The following STRADA variants were observed in gnomAD, a reference collection of about 807,000 sequenced individuals.
The protein encoded by STRADA is STE20-related kinase adapter protein alpha.
Under a neutral mutation model 55.0 loss-of-function variants are expected in STRADA, and 26 were observed. That is an observed-to-expected ratio of 0.47 (90% CI 0.35 to 0.66). STRADA has a LOEUF of 0.66. Ranked by LOEUF, STRADA falls within the 30% of genes least tolerant of loss-of-function variation. STRADA has a pLI of 0.01. For synonymous variants in STRADA, 197 were observed against 210.9 expected (o/e 0.93, Z 0.57); for missense variants, 443 against 549.7 (o/e 0.81, Z 1.94).
In STRADA at chr17:63,713,487, C is replaced by G; in HGVS notation, c.267G>C (p.Arg89Ser). The G allele has an allele frequency of 6.2e-7, 1 of 1,614,152 alleles. No individual in the cohort carries two copies. Among genetic ancestry groups the G allele is most frequent in the Non-Finnish European group, 8.5e-7 (1 of 1,180,036 alleles). Residue 89 changes from arginine (R) to serine (S), a missense_variant, in exon 6 of 13, where the codon AGG becomes AGC. By Grantham distance (110) the Arg-to-Ser change is moderately radical (BLOSUM62 -1). Coordinates refer to ENST00000336174, the MANE Select transcript of STRADA (RefSeq NM_001003787.4). ...TCACGTACTCTCCTGTTGGTTTGTACCTTGCTAGATTCACAGTCATCAGGT... is the reference window on the plus strand; with the variant it reads ...TCACGTACTCTCCTGTTGGTTTGTAGCTTGCTAGATTCACAGTCATCAGGT... ...FEDLMTVNLA[R>S]YKPTGEYVTV...
intron 1 of STRADA, among the ~76,000 whole-genome samples, chr17:63,740,321 G>A (rs1306171040): frequency 1.3e-5 from 2 of 151,244 alleles, no homozygotes; most frequent in Non-Finnish European, 2.9e-5. Flanking sequence ...AGATCGGCCT[G>A]ACCAACATGG....
intron 1 of STRADA, among the ~76,000 whole-genome samples, chr17:63,733,537 G>A (rs190627321): frequency 6.6e-6 from 1 of 152,254 alleles, no homozygotes; most frequent in Admixed American, 6.5e-5. Context: ...TAAAGAAATA[G>A]TATTTACAGA....
rs756991588 is a variant in STRADA at position 63,707,372 on chromosome 17, A to G, written c.628T>C (p.Tyr210His). 1 of 1,614,156 alleles carries G rather than the reference A, an allele frequency of 6.2e-7. No individual in the cohort carries two copies. The highest frequency in any genetic ancestry group is 1.1e-5 in the South Asian group (1 of 91,084). ...HILISVDGKVYLSGLRSNLSM... is the reference protein window; with the variant it reads ...HILISVDGKVHLSGLRSNLSM... ...AGGTTGCTGCGCAAACCAGACAGGT[A>G]GACCTTCCCATCCACAGAGATCAGG... Residue 210 changes from tyrosine to histidine, a missense_variant, in exon 9 of 13, where the codon TAC becomes CAC. Transcript: ENST00000336174.
intron 4 of STRADA, among the ~76,000 whole-genome samples, chr17:63,717,970 A>G (rs2037014614): frequency 6.7e-6 from 1 of 148,882 alleles, no homozygotes; most frequent in African/African-American, 2.5e-5. Flanking sequence ...GGCTCTCAAT[A>G]TGTCACCCAG....
Position 63,723,189 on chromosome 17 carries a change from T to C in STRADA, c.123+109A>G, listed in dbSNP as rs548293534. On this transcript the variant is annotated intron_variant, in intron 4 of 12. Coordinates refer to ENST00000336174, the MANE Select transcript of STRADA (RefSeq NM_001003787.4). Reference sequence around the variant, plus strand: ...AAATCACACTACAAATAAAGCTCAGTGACAGATAAGCAGAAACATAAAATG... The same window carrying C: ...AAATCACACTACAAATAAAGCTCAGCGACAGATAAGCAGAAACATAAAATG... 5.6e-5 allele frequency: 72 copies of C among 1,285,796 alleles called. No individual in the cohort carries two copies. In the Middle Eastern group the frequency reaches 7.5e-4, roughly 13 times the overall value. 79.6% of individuals were successfully genotyped at this position (1,285,796 alleles called of 1,614,324 possible).
chr17:63,728,436 T>C, intron 1 of STRADA, 23 bp from the exon 2 acceptor site: 1 of 1,400,106 alleles, frequency 7.1e-7, no homozygotes, highest in Non-Finnish European at 9.8e-7. Context: ...TAGAAACAGG[T>C]TGAGTTAGCA....
intron 4 of STRADA, among the ~76,000 whole-genome samples, chr17:63,718,370 A>G (rs888917344): frequency 6.6e-6 from 1 of 152,216 alleles, no homozygotes; most frequent in African/African-American, 2.4e-5. Flanking sequence ...AAAAGCCTCA[A>G]GCAAGAGTTC....
chr17:63,740,107 T>TATATATATATATATATATACACACAC (rs1309095081), intron 1 of STRADA, among the ~76,000 whole-genome samples: 3 of 49,646 alleles, frequency 6.0e-5, no homozygotes, highest in African/African-American at 9.5e-5. Context: ...TATATATATA[T>TATATATATATATATATATACACACAC]ACATACATAC....
chr17:63,725,035 G>T (rs1174806469), intron 3 of STRADA, among the ~76,000 whole-genome samples: 1 of 151,658 alleles, frequency 6.6e-6, no homozygotes, highest in African/African-American at 2.4e-5. Flanking sequence ...CGCCCGCCTG[G>T]GCCTCCCAAA....
intron 5 of STRADA, 108 bp from the exon 6 acceptor site, chr17:63,713,635 T>C (rs190422085): frequency 7.0e-7 from 1 of 1,425,258 alleles, no homozygotes; most frequent in East Asian, 2.3e-5. Context: ...TAATGTTAAA[T>C]TTTTCACTAC....
intron 1 of STRADA, among the ~76,000 whole-genome samples, chr17:63,733,615 C>T (rs565868788): frequency 1.3e-5 from 2 of 152,322 alleles, no homozygotes; most frequent in South Asian, 4.1e-4. Context: ...AGTCTGCTTA[C>T]GTGGTTAGCC....
intron 3 of STRADA, among the ~76,000 whole-genome samples, chr17:63,724,228 C>T (rs2037494842): frequency 3.3e-5 from 5 of 151,978 alleles, no homozygotes; most frequent in South Asian, 2.1e-4. Context: ...CTGCAACCTC[C>T]GCCTCCCGGG....
intron 4 of STRADA, chr17:63,714,610 A>C (rs556954430): frequency 5.1e-6 from 1 of 197,830 alleles, no homozygotes; most frequent in African/African-American, 2.3e-5. Flanking sequence ...GCAAACCAAG[A>C]GCCCGGGCCA....
At chr17:63,707,833 C>A (rs2036213243) in intron 8 of STRADA, among the ~76,000 whole-genome samples, 1 of 151,732 alleles carries the variant, frequency 6.6e-6, no homozygotes, top group African/African-American at 2.4e-5. Flanking sequence ...CGGGTTCACA[C>A]CATTCTCCTG....
chr17:63,712,125 A>G (rs1428684899), intron 6 of STRADA, among the ~76,000 whole-genome samples: 1 of 152,092 alleles, frequency 6.6e-6, no homozygotes, highest in Non-Finnish European at 1.5e-5. Flanking sequence ...AACTAACTCT[A>G]CTGAAGGAAA....
chr17:63,728,469 T>G (rs1360074264), intron 1 of STRADA, 56 bp from the exon 2 acceptor site: 24 of 983,794 alleles, frequency 2.4e-5, no homozygotes, highest in Non-Finnish European at 3.6e-5. Context: ...TAGAGAAATA[T>G]CTTCTGATTA....
chr17:63,719,024 G>C (rs571462833), intron 4 of STRADA: 1 of 152,194 alleles, frequency 6.6e-6, no homozygotes, highest in Non-Finnish European at 1.5e-5. Context: ...CCAGTGCCTG[G>C]AACACCGCTG....
intron 4 of STRADA, chr17:63,719,227 A>G (rs1317793327): frequency 6.6e-6 from 1 of 152,176 alleles, no homozygotes; most frequent in African/African-American, 2.4e-5. Context: ...TTCCTGTGTT[A>G]CTCAGAACAC....
chr17:63,737,003 C>A (rs2038484686), intron 1 of STRADA, among the ~76,000 whole-genome samples: 1 of 151,768 alleles, frequency 6.6e-6, no homozygotes, highest in African/African-American at 2.4e-5. Context: ...AATCCCAGCA[C>A]TTTGGGAGGC....
Sources: gnomAD v4.1 joint callset for allele counts (sites outside exome capture counted in the v4.1 genomes callset) on GRCh38, gnomAD v4.1.1 for gene constraint, MANE v1.5 for transcripts, NCBI Gene and HGNC (gene_info 2026-07-23, HGNC 2026-07-21) for gene names.